The following ARMC10 variants were observed in gnomAD, a reference collection of about 807,000 sequenced individuals.
The protein encoded by ARMC10 is armadillo repeat containing 10.
Under a neutral mutation model 30.2 loss-of-function variants are expected in ARMC10, and 23 were observed. The observed-to-expected ratio is 0.76, with a 90% confidence interval of 0.55 to 1.08. The LOEUF is 1.08. Ranked by LOEUF, ARMC10 falls within the 50% of genes least tolerant of loss-of-function variation. The pLI is 0.00. For synonymous variants in ARMC10, 111 were observed against 164.4 expected, an observed-to-expected ratio of 0.68 and a Z score of 2.48; for missense variants, 303 against 413.7, an observed-to-expected ratio of 0.73 and a Z score of 2.32.
chr7:103,096,515 A>C (rs1414041968), intron 5 of ARMC10: 2 of 152,218 alleles, frequency 1.3e-5, no homozygotes, highest in African/African-American at 4.8e-5. Context: ...AGTAGAAATG[A>C]GCTGAGCTTT....
intron 5 of ARMC10, chr7:103,096,998 T>C (rs1000483619): frequency 2.2e-6 from 1 of 445,352 alleles, no homozygotes; most frequent in African/African-American, 1.9e-5. Flanking sequence ...ATTTGCAATA[T>C]TCTCTCTATC....
At chr7:103,088,042 T>C (rs541368807) in intron 4 of ARMC10, among the ~76,000 whole-genome samples, 2 of 152,274 alleles carry the variant, frequency 1.3e-5, no homozygotes, top group African/African-American at 4.8e-5. Context: ...CCAAGTGTCA[T>C]ACCAAAGATA....
At chr7:103,075,485 C>T in intron 1 of ARMC10, 74 bp downstream of exon 1, 7 of 1,242,916 alleles carry the variant, frequency 5.6e-6, no homozygotes, top group Non-Finnish European at 7.1e-6. Flanking sequence ...TGGTGGCTTG[C>T]GTGTGCTCGG....
chr7:103,078,834 C>T (rs879899745), intron 2 of ARMC10, among the ~76,000 whole-genome samples: 5 of 151,884 alleles, frequency 3.3e-5, no homozygotes, highest in Admixed American at 1.3e-4. Flanking sequence ...CATAGTGAAA[C>T]CCCATCTCTA....
At chr7:103,083,659 C>G (rs1038348346) in intron 2 of ARMC10, 23 bp from the exon 3 acceptor site, 2 of 1,593,194 alleles carry the variant, frequency 1.3e-6, no homozygotes, top group African/African-American at 2.7e-5. Flanking sequence ...AGCTTAACTT[C>G]AAATAACTTT....
chr7:103,096,140 G>GTTA (rs1801743571), intron 5 of ARMC10: 1 of 152,194 alleles, frequency 6.6e-6, no homozygotes, highest in South Asian at 2.1e-4. Flanking sequence ...TGACTTTTCA[G>GTTA]TTATAAGTGA....
chr7:103,077,373 G>A (rs1175218916), intron 2 of ARMC10, among the ~76,000 whole-genome samples: 1 of 151,912 alleles, frequency 6.6e-6, no homozygotes, highest in Non-Finnish European at 1.5e-5. Context: ...TCTGAAACTG[G>A]GTAATTTATT....
chr7:103,082,096 C>G (rs1162426543), intron 2 of ARMC10, among the ~76,000 whole-genome samples: 1 of 152,144 alleles, frequency 6.6e-6, no homozygotes, highest in Non-Finnish European at 1.5e-5. Context: ...TTTCCTTTAT[C>G]TTTTCAAGTA....
chr7:103,091,356 C>T (rs1801307626), intron 4 of ARMC10, among the ~76,000 whole-genome samples: 1 of 152,146 alleles, frequency 6.6e-6, no homozygotes, highest in South Asian at 2.1e-4. Flanking sequence ...AGCTCATGGC[C>T]AGACACAGAA....
Position 103,098,391 on chromosome 7 carries a change from C to A in ARMC10, c.870C>A (p.Cys290Ter). The change falls in exon 7 of 7, where the codon TGC becomes TGA. Residue 290 changes from cysteine (C) to a stop codon, truncating the protein, a stop_gained. Coordinates refer to ENST00000323716, the MANE Select transcript of ARMC10 (RefSeq NM_031905.5). LOFTEE classifies it low-confidence loss of function (END_TRUNC). ...VLTLFQNIKN[C>*]LKIEGHLAVQ... ...CGCTATTTCAGAATATAAAGAACTG[C>A]CTCAAAATAGAAGGCCATTTAGCTG... is the stretch of plus-strand genomic sequence containing the variant. The A allele has an allele frequency of 6.2e-7, 1 of 1,613,992 alleles. No homozygotes were observed. The highest frequency in any genetic ancestry group is 8.5e-7 in the Non-Finnish European group (1 of 1,179,980).
At chr7:103,092,146 C>T (rs553441171) in intron 4 of ARMC10, among the ~76,000 whole-genome samples, 1 of 152,110 alleles carries the variant, frequency 6.6e-6, no homozygotes, top group African/African-American at 2.4e-5. Flanking sequence ...TCGTGGCTAA[C>T]ATGGTGAAAC....
intron 5 of ARMC10, among the ~76,000 whole-genome samples, chr7:103,095,068 T>C (rs2129524316): frequency 6.6e-6 from 1 of 152,330 alleles, no homozygotes; most frequent in East Asian, 1.9e-4. Flanking sequence ...ATACAGGATA[T>C]TTGCATAAAA....
At chr7:103,094,418 A>AT (rs1364728915) in intron 5 of ARMC10, among the ~76,000 whole-genome samples, 1 of 152,170 alleles carries the variant, frequency 6.6e-6, no homozygotes, top group Non-Finnish European at 1.5e-5. Context: ...CTGTATATAT[A>AT]TTTTTTTCTC....
At chr7:103,075,480 G>T in intron 1 of ARMC10, 69 bp downstream of exon 1, 1 of 1,247,882 alleles carries the variant, frequency 8.0e-7, no homozygotes, top group Non-Finnish European at 1.0e-6. Flanking sequence ...CGGGGTGGTG[G>T]CTTGCGTGTG....
Position 103,098,550 on chromosome 7 carries a change from C to A in ARMC10, c.1029C>A (p.Ile343=). The change falls in exon 7 of 7, where the codon ATC becomes ATA. Residue 343 remains isoleucine, a synonymous_variant. Coordinates refer to ENST00000323716, the MANE Select transcript of ARMC10 (RefSeq NM_031905.5). Reference sequence around the variant, plus strand: ...AGGTTGTAACAATAATACCCAAAATCTGATTGGTCATATTTTTCCAAAGAG... The same window carrying A: ...AGGTTGTAACAATAATACCCAAAATATGATTGGTCATATTTTTCCAAAGAG... ...KEKVVTIIPK[I] 6.4e-7 allele frequency: 1 copy of A among 1,555,276 alleles called. No homozygotes were observed. Among genetic ancestry groups the A allele is most frequent in the Non-Finnish European group, 8.7e-7 (1 of 1,152,308 alleles).
intron 6 of ARMC10, 76 bp from the exon 7 acceptor site, chr7:103,098,223 T>A: frequency 8.3e-7 from 1 of 1,198,212 alleles, no homozygotes; most frequent in Non-Finnish European, 1.1e-6. Context: ...AATGTAGTTT[T>A]AAAATGTTAA....
chr7:103,078,958 G>A (rs1320346105), intron 2 of ARMC10, among the ~76,000 whole-genome samples: 1 of 152,138 alleles, frequency 6.6e-6, no homozygotes, highest in Non-Finnish European at 1.5e-5. Flanking sequence ...GCAGTAAGCT[G>A]TGATTGTGCC....
intron 2 of ARMC10, among the ~76,000 whole-genome samples, chr7:103,080,902 A>T (rs1263634835): frequency 1.3e-5 from 2 of 152,214 alleles, no homozygotes; most frequent in Non-Finnish European, 2.9e-5. Flanking sequence ...CTGGGATTAC[A>T]GGTGTGAGCC....
At chr7:103,078,227 C>T (rs1456550374) in intron 2 of ARMC10, among the ~76,000 whole-genome samples, 1 of 152,120 alleles carries the variant, frequency 6.6e-6, no homozygotes, top group Non-Finnish European at 1.5e-5. Flanking sequence ...CCTGCCTTAG[C>T]CTCCCAAAGT....
Sources: gnomAD v4.1 joint callset for allele counts (sites outside exome capture counted in the v4.1 genomes callset) on GRCh38, gnomAD v4.1.1 for gene constraint, MANE v1.5 for transcripts, NCBI Gene and HGNC (gene_info 2026-07-23, HGNC 2026-07-21) for gene names.